Variants in PCDH15 observed in about 807,000 individuals in gnomAD.
PCDH15 encodes protocadherin-15.
In PCDH15, 129 loss-of-function variants were observed where a neutral mutation model predicts 178.5. The ratio of observed to expected loss-of-function variants is 0.72; its 90% CI spans 0.63 to 0.84. The LOEUF is 0.84. Ranked by LOEUF, PCDH15 falls within the 40% of genes least tolerant of loss-of-function variation. The pLI, the probability that PCDH15 is intolerant of heterozygous loss-of-function variation, is 0.00. For synonymous variants in PCDH15, 800 were observed against 732.0 expected (o/e 1.09, Z -1.50); for missense variants, 2,230 against 2,099.9 (o/e 1.06, Z -1.21).
chr10:54,661,994 C>A (rs1397962222), intron 2 of PCDH15, among the ~76,000 whole-genome samples: 1 of 151,774 alleles, frequency 6.6e-6, no homozygotes, highest in Non-Finnish European at 1.5e-5. Flanking sequence ...TTGGCCTAGG[C>A]AAATAATTTA....
intron 1 of PCDH15, among the ~76,000 whole-genome samples, chr10:55,244,236 AATTTTTGT>A: frequency 6.6e-6 from 1 of 152,030 alleles, no homozygotes; most frequent in African/African-American, 2.4e-5. Context: ...ACTACAGTGG[AATTTTTGT>A]CATTTCTGCT....
chr10:55,073,116 T>C (rs1410439002), intron 2 of PCDH15, among the ~76,000 whole-genome samples: 1 of 152,032 alleles, frequency 6.6e-6, no homozygotes, highest in African/African-American at 2.4e-5. Flanking sequence ...ATAAGAGCTA[T>C]CTATGACAAA....
intron 3 of PCDH15, chr10:54,486,090 CT>C (rs1196716815): frequency 2.6e-5 from 4 of 151,992 alleles, no homozygotes; most frequent in African/African-American, 4.8e-5. Context: ...TAATTTGAAT[CT>C]AAGCAATAAA....
intron 2 of PCDH15, among the ~76,000 whole-genome samples, chr10:55,430,941 A>T (rs577764070): frequency 1.3e-5 from 2 of 152,102 alleles, no homozygotes; most frequent in Admixed American, 1.3e-4. Flanking sequence ...AATATGCAAG[A>T]CTCCACATCA....
chr10:54,573,298 T>C (rs906034080), intron 2 of PCDH15, among the ~76,000 whole-genome samples: 2 of 152,100 alleles, frequency 1.3e-5, no homozygotes, highest in Admixed American at 6.5e-5. Context: ...TCTTGATGTT[T>C]TCATAATTTT....
intron 2 of PCDH15, among the ~76,000 whole-genome samples, chr10:55,126,615 T>C (rs1390424763): frequency 6.6e-6 from 1 of 151,974 alleles, no homozygotes; most frequent in African/African-American, 2.4e-5. Context: ...AAATAGAAGA[T>C]ACTTTGACTC....
chr10:54,068,859 T>C (rs72794988), intron 17 of PCDH15, among the ~76,000 whole-genome samples: 26,934 of 151,500 alleles, frequency 0.18, 2,869 homozygotes, highest in Non-Finnish European at 0.25. Context: ...TTATATTTTC[T>C]TAAGATTATT....
chr10:53,928,602 A>G (rs1589464726), intron 25 of PCDH15, among the ~76,000 whole-genome samples: 1 of 152,114 alleles, frequency 6.6e-6, no homozygotes, highest in East Asian at 1.9e-4. Flanking sequence ...AAAGGTTGTT[A>G]TTTCTGTAAC....
intron 15 of PCDH15, among the ~76,000 whole-genome samples, chr10:54,092,136 C>T (rs552067873): frequency 8.5e-5 from 13 of 152,280 alleles, no homozygotes; most frequent in Admixed American, 3.9e-4. Flanking sequence ...GTACCTGCAA[C>T]TCCATCCTCC....
At chr10:54,351,944 G>A (rs548524142) in intron 5 of PCDH15, among the ~76,000 whole-genome samples, 19 of 152,150 alleles carry the variant, frequency 1.2e-4, no homozygotes, top group African/African-American at 4.1e-4. Flanking sequence ...CGAAACCGAT[G>A]GTATGCTGTT....
intron 25 of PCDH15, chr10:53,905,062 T>G: frequency 2.3e-6 from 1 of 443,326 alleles, no homozygotes; most frequent in Non-Finnish European, 4.5e-6. Flanking sequence ...CCTAACTTCA[T>G]ATCTGGATGG....
At chr10:54,754,215 A>C (rs1484071481) in intron 1 of PCDH15, among the ~76,000 whole-genome samples, 1 of 152,022 alleles carries the variant, frequency 6.6e-6, no homozygotes, top group Non-Finnish European at 1.5e-5. Flanking sequence ...CCTTTAGATT[A>C]GTTCCTTTAG....
At chr10:54,151,300 G>A (rs912480212) in intron 14 of PCDH15, among the ~76,000 whole-genome samples, 12 of 152,086 alleles carry the variant, frequency 7.9e-5, no homozygotes, top group African/African-American at 2.9e-4. Flanking sequence ...CAGCACTTTG[G>A]GAGGCTGAAG....
At chr10:53,943,892 C>T (rs2086295034) in intron 23 of PCDH15, among the ~76,000 whole-genome samples, 1 of 151,906 alleles carries the variant, frequency 6.6e-6, no homozygotes. Context: ...GGCAGGATTA[C>T]AATGTACAAT....
At position 55,556,350 on chromosome 10, in the gene PCDH15, G is replaced by T. The variant is rs1046575377; in HGVS notation, c.-156+71275C>A. Among the ~76,000 whole-genome samples, 10 of 152,184 alleles carry T rather than the reference G, an allele frequency of 6.6e-5. No homozygotes were observed. In the South Asian group the frequency reaches 2.1e-3, roughly 32 times the overall value. On this transcript the variant is annotated intron_variant, in intron 2 of 5. Coordinates refer to the PCDH15 transcript ENST00000613346. ...TTACATTAAAGAATGGAACTCCTGG[G>T]ATATCTATTGCTGCATATCTTTGCC...
chr10:55,284,195 C>A (rs1222244922), intron 1 of PCDH15, among the ~76,000 whole-genome samples: 2 of 146,264 alleles, frequency 1.4e-5, no homozygotes, highest in Non-Finnish European at 2.9e-5. Context: ...GCTACTCAGG[C>A]CTATGCTATT....
At chr10:53,820,459 A>AACTT (rs1588917140) in intron 32 of PCDH15, among the ~76,000 whole-genome samples, 1 of 152,038 alleles carries the variant, frequency 6.6e-6, no homozygotes, top group African/African-American at 2.4e-5. Flanking sequence ...GGGGGCTCTC[A>AACTT]ACTTATATTC....
intron 2 of PCDH15, among the ~76,000 whole-genome samples, chr10:55,609,015 T>TACACAC (rs1290621408): frequency 6.3e-5 from 8 of 126,808 alleles, no homozygotes; most frequent in Non-Finnish European, 1.2e-4. Flanking sequence ...TATATATATA[T>TACACAC]ACACACACAC....
At chr10:54,614,278 T>C (rs1335107218) in intron 2 of PCDH15, among the ~76,000 whole-genome samples, 1 of 151,974 alleles carries the variant, frequency 6.6e-6, no homozygotes, top group Non-Finnish European at 1.5e-5. Context: ...TCACCATCTG[T>C]TGGATCATTC....
Sources: gnomAD v4.1 joint callset for allele counts (sites outside exome capture counted in the v4.1 genomes callset) on GRCh38, gnomAD v4.1.1 for gene constraint, MANE v1.5 for transcripts, NCBI Gene and HGNC (gene_info 2026-07-23, HGNC 2026-07-21) for gene names.